The following RNF180 variants were observed in gnomAD, a reference collection of about 807,000 sequenced individuals.
RNF180 encodes ring finger protein 180.
RNF180 carries 38 observed loss-of-function variants against 59.2 expected under a neutral mutation model. The ratio of observed to expected loss-of-function variants is 0.64; its 90% CI spans 0.50 to 0.84. The LOEUF (loss-of-function observed/expected upper bound fraction) is 0.84. Ranked by LOEUF, RNF180 falls within the 40% of genes least tolerant of loss-of-function variation. The pLI, the probability that RNF180 is intolerant of heterozygous loss-of-function variation, is 0.00. For missense variants in RNF180, 705 were observed against 700.9 expected, an observed-to-expected ratio of 1.01 and a Z score of -0.07; for synonymous variants, 262 against 240.3, an observed-to-expected ratio of 1.09 and a Z score of -0.84.
chr5:64,266,281 T>C (rs1366633612), intron 5 of RNF180, among the ~76,000 whole-genome samples: 1 of 152,098 alleles, frequency 6.6e-6, no homozygotes, highest in Non-Finnish European at 1.5e-5. Context: ...AGAAAAGAAA[T>C]GTGTGTGGGA....
At chr5:64,336,756 C>T (rs1463325440) in intron 7 of RNF180, among the ~76,000 whole-genome samples, 1 of 151,976 alleles carries the variant, frequency 6.6e-6, no homozygotes. Context: ...GGGGTTTCTG[C>T]CCTTATTGGT....
intron 7 of RNF180, among the ~76,000 whole-genome samples, chr5:64,336,506 G>A (rs1033850664): frequency 6.6e-6 from 1 of 152,116 alleles, no homozygotes; most frequent in African/African-American, 2.4e-5. Flanking sequence ...AGAATGTCTG[G>A]GTCATAGGAT....
At chr5:64,362,834 T>C (rs1421616282) in intron 7 of RNF180, among the ~76,000 whole-genome samples, 2 of 151,884 alleles carry the variant, frequency 1.3e-5, no homozygotes, top group Non-Finnish European at 2.9e-5. Flanking sequence ...ATTTCTCTAA[T>C]GATCAGTGAT....
At chr5:64,353,784 G>A (rs192687795) in intron 7 of RNF180, among the ~76,000 whole-genome samples, 54 of 151,806 alleles carry the variant, frequency 3.6e-4, no homozygotes, top group Middle Eastern at 3.4e-3. Context: ...TTCGCTGACC[G>A]CATAGAATGA....
At chr5:64,179,749 C>T (rs1168635305) in intron 1 of RNF180, among the ~76,000 whole-genome samples, 2 of 152,086 alleles carry the variant, frequency 1.3e-5, no homozygotes, top group African/African-American at 2.4e-5. Context: ...TATTCATATA[C>T]AAACCTAGAA....
At chr5:64,366,003 G>C (rs1746433562) in intron 7 of RNF180, among the ~76,000 whole-genome samples, 1 of 151,058 alleles carries the variant, frequency 6.6e-6, no homozygotes, top group Admixed American at 6.6e-5. Flanking sequence ...ATGTGGATTT[G>C]ATCCTGTTAT....
chr5:64,172,325 G>A (rs1749981597), intron 1 of RNF180, among the ~76,000 whole-genome samples: 1 of 152,106 alleles, frequency 6.6e-6, no homozygotes, highest in Non-Finnish European at 1.5e-5. Context: ...GCAGGGGGCT[G>A]GGGGTTGTTG....
chr5:64,273,278 A>G (rs758395285), intron 5 of RNF180, among the ~76,000 whole-genome samples: 90 of 152,042 alleles, frequency 5.9e-4, no homozygotes, highest in Admixed American at 1.2e-3. Flanking sequence ...TGGAAAACTC[A>G]TGAATAATCC....
At chr5:64,255,995 CT>C (rs1295848803) in intron 5 of RNF180, among the ~76,000 whole-genome samples, 1 of 152,098 alleles carries the variant, frequency 6.6e-6, no homozygotes, top group Non-Finnish European at 1.5e-5. Context: ...GCATAAATGT[CT>C]TCTTTTGAGA....
intron 5 of RNF180, among the ~76,000 whole-genome samples, chr5:64,305,095 C>G (rs1561250112): frequency 1.3e-5 from 2 of 151,686 alleles, no homozygotes; most frequent in Non-Finnish European, 3.0e-5. Flanking sequence ...CTATTACACA[C>G]TTAATAGACT....
intron 1 of RNF180, among the ~76,000 whole-genome samples, chr5:64,173,405 A>C (rs182052656): frequency 1.0e-3 from 159 of 152,280 alleles, no homozygotes; most frequent in African/African-American, 3.7e-3. Context: ...GTTCTGATAC[A>C]TGTATATGTT....
chr5:64,181,220 G>C (rs1011023817), intron 1 of RNF180, among the ~76,000 whole-genome samples: 1 of 152,054 alleles, frequency 6.6e-6, no homozygotes, highest in Non-Finnish European at 1.5e-5. Flanking sequence ...TGTCTTTCCC[G>C]GTCCACTGAC....
chr5:64,265,016 A>G (rs1287767752), intron 5 of RNF180, among the ~76,000 whole-genome samples: 1 of 152,114 alleles, frequency 6.6e-6, no homozygotes, highest in Non-Finnish European at 1.5e-5. Context: ...TTGGCTGCAT[A>G]AGTGTCTTCT....
Position 64,214,135 on chromosome 5 carries a change from C to G in RNF180, c.809C>G (p.Pro270Arg). 1 of 1,614,070 alleles carries G rather than the reference C, an allele frequency of 6.2e-7. No individual in the cohort carries two copies. Among genetic ancestry groups the G allele is most frequent in the Non-Finnish European group, 8.5e-7 (1 of 1,180,018 alleles). ...ETQPIDLSGL[P>R]LQSSKNSYSF... ...CAGCCTATTGACCTTTCAGGCTTGC[C>G]TTTACAATCTAGTAAAAATAGCTAT... Residue 270 changes from proline (P) to arginine (R), a missense_variant, in exon 4 of 8, where the codon CCT becomes CGT. By Grantham distance (103) the Pro-to-Arg change is moderately radical. Coordinates refer to ENST00000389100, the MANE Select transcript of RNF180 (RefSeq NM_001113561.2).
intron 5 of RNF180, among the ~76,000 whole-genome samples, chr5:64,263,795 G>T (rs549494881): frequency 6.6e-6 from 1 of 151,764 alleles, no homozygotes. Context: ...TTTTTATTTC[G>T]TTTTAGTTAC....
chr5:64,230,204 C>T (rs1742018592), intron 5 of RNF180, among the ~76,000 whole-genome samples: 3 of 152,210 alleles, frequency 2.0e-5, no homozygotes, highest in Non-Finnish European at 4.4e-5. Context: ...AAGGTACTAG[C>T]ACTCTCTGTG....
At chr5:64,168,640 ATAAATT>A (rs1561161274) in intron 1 of RNF180, among the ~76,000 whole-genome samples, 1 of 152,224 alleles carries the variant, frequency 6.6e-6, no homozygotes, top group Non-Finnish European at 1.5e-5. Flanking sequence ...TGAATGTCAC[ATAAATT>A]TAAATTTAAA....
chr5:64,293,363 G>T (rs556784822), intron 5 of RNF180, among the ~76,000 whole-genome samples: 3 of 151,978 alleles, frequency 2.0e-5, no homozygotes, highest in Non-Finnish European at 4.4e-5. Context: ...GAATTCACTC[G>T]CCATTTTCAT....
chr5:64,345,612 AATG>A (rs568441661), intron 7 of RNF180, among the ~76,000 whole-genome samples: 59 of 152,318 alleles, frequency 3.9e-4, no homozygotes, highest in Admixed American at 2.3e-3. Flanking sequence ...TTCAGATCTA[AATG>A]ATTTGAAAGC....
Sources: gnomAD v4.1 joint callset for allele counts (sites outside exome capture counted in the v4.1 genomes callset) on GRCh38, gnomAD v4.1.1 for gene constraint, MANE v1.5 for transcripts, NCBI Gene and HGNC (gene_info 2026-07-23, HGNC 2026-07-21) for gene names.